The following PPP2R2C variants were observed in gnomAD, a reference collection of about 807,000 sequenced individuals.
PPP2R2C encodes the protein protein phosphatase 2 regulatory subunit Bgamma, also known as protein phosphatase 2, regulatory subunit B, gamma.
Under a neutral mutation model 45.3 loss-of-function variants are expected in PPP2R2C, and 10 were observed. That is an observed-to-expected ratio of 0.22 (90% confidence interval 0.14 to 0.37). The LOEUF (loss-of-function observed/expected upper bound fraction) is 0.37. Ranked by LOEUF, PPP2R2C falls within the 10% of genes least tolerant of loss-of-function variation. PPP2R2C has a pLI of 1.00. For missense variants in PPP2R2C, 308 were observed against 619.7 expected, an observed-to-expected ratio of 0.50 and a Z score of 5.34; for synonymous variants, 257 against 245.4, an observed-to-expected ratio of 1.05 and a Z score of -0.44.
At chr4:6,517,874 C>A (rs1228610005) in intron 2 of PPP2R2C, among the ~76,000 whole-genome samples, 4 of 150,050 alleles carry the variant, frequency 2.7e-5, no homozygotes, top group Non-Finnish European at 5.9e-5. Flanking sequence ...TGGTACTTTG[C>A]CCCCTGCTCT....
chr4:6,428,781 T>C (rs140934990), intron 1 of PPP2R2C, among the ~76,000 whole-genome samples: 1 of 152,326 alleles, frequency 6.6e-6, no homozygotes, highest in African/African-American at 2.4e-5. Context: ...AACTGGGCAG[T>C]ATTTGGCTGC....
Position 6,329,494 on chromosome 4 carries a change from G to T in PPP2R2C, c.961-141C>A. ...GACCTGCTCATCTCAGCGAGGGTCTGAATGCTCTGACACAGCCCGACACAG... is the reference window on the plus strand; with the variant it reads ...GACCTGCTCATCTCAGCGAGGGTCTTAATGCTCTGACACAGCCCGACACAG... On this transcript the variant is annotated intron_variant, in intron 7 of 8. Coordinates refer to ENST00000382599, the MANE Select transcript of PPP2R2C (RefSeq NM_020416.4). This position sits in a 1 kb window ranked among gnomAD's most constrained non-coding sequence, Gnocchi z 5.8. 1.4e-6 allele frequency: 1 copy of T among 722,858 alleles called. No homozygotes were observed. The highest frequency in any genetic ancestry group is 2.4e-6 in the Non-Finnish European group (1 of 413,572). The allele number at this position is 722,858 out of a possible 1,614,324, so 44.8% of individuals were successfully genotyped here. A position where few individuals can be genotyped will look rare whatever the true frequency, so the allele number is the denominator to read the frequency against.
intron 6 of PPP2R2C, among the ~76,000 whole-genome samples, chr4:6,341,076 T>C (rs1454674329): frequency 6.6e-6 from 1 of 152,196 alleles, no homozygotes; most frequent in Non-Finnish European, 1.5e-5. Context: ...GGGCGGTGGC[T>C]CACGCCTGTA....
rs1732219665 is a variant in PPP2R2C at position 6,329,398 on chromosome 4, A to G, written c.961-45T>C. The G allele has an allele frequency of 6.5e-7, 1 of 1,533,556 alleles. No individual in the cohort carries two copies. Among genetic ancestry groups the G allele is most frequent in the Non-Finnish European group, 9.0e-7 (1 of 1,107,666 alleles). The allele number at this position is 1,533,556 out of a possible 1,614,324, so 95.0% of individuals were successfully genotyped here. On this transcript the variant is annotated intron_variant, in intron 7 of 8. Coordinates refer to ENST00000382599, the MANE Select transcript of PPP2R2C (RefSeq NM_020416.4). The surrounding 1 kb of genome is among the most constrained non-coding windows in gnomAD (Gnocchi z 5.8). ...GGTGAGTGGACGGGGCGTCCCGACC[A>G]TCCTGGCCCTTCCACAAGAAGGGTC...
At chr4:6,504,198 T>C (rs767027678) in intron 2 of PPP2R2C, among the ~76,000 whole-genome samples, 1 of 152,192 alleles carries the variant, frequency 6.6e-6, no homozygotes, top group African/African-American at 2.4e-5. Context: ...ATGTATGAAG[T>C]CAACCCAGAT....
chr4:6,355,551 C>CA (rs566926127), intron 5 of PPP2R2C, among the ~76,000 whole-genome samples: 5,990 of 78,870 alleles, frequency 0.076, 327 homozygotes, highest in African/African-American at 0.19. Flanking sequence ...ACAGAAAGCA[C>CA]AAAAAAAAAA....
intron 1 of PPP2R2C, among the ~76,000 whole-genome samples, chr4:6,398,203 C>T (rs566517079): frequency 2.6e-5 from 4 of 152,230 alleles, no homozygotes; most frequent in African/African-American, 9.6e-5. Flanking sequence ...CTTGCAACTT[C>T]GATTTCTCAA....
At chr4:6,363,146 A>G (rs1713964204) in intron 5 of PPP2R2C, among the ~76,000 whole-genome samples, 1 of 152,176 alleles carries the variant, frequency 6.6e-6, no homozygotes, top group Non-Finnish European at 1.5e-5. Flanking sequence ...GGAAGCCCTC[A>G]GTCATGTTGG....
upstream of PPP2R2C, among the ~76,000 whole-genome samples, chr4:6,472,860 G>T (rs1721989583): frequency 6.6e-6 from 1 of 152,050 alleles, no homozygotes; most frequent in Non-Finnish European, 1.5e-5. Context: ...GTGCCCAGGT[G>T]CTCCAGTTAT....
In PPP2R2C at chr4:6,443,877, T is replaced by G. The variant is rs546198855; in HGVS notation, c.70+28283A>C. 4.6e-5 allele frequency among the ~76,000 whole-genome samples: 7 copies of G among 151,610 alleles called. No homozygotes were observed. The East Asian group carries it at 9.8e-4, about 21-fold the overall frequency. On this transcript the variant is annotated intron_variant, in intron 1 of 8. Coordinates refer to ENST00000382599, the MANE Select transcript of PPP2R2C (RefSeq NM_020416.4). ...GTCTCAGCCCACACAGCCTCTCAGG[T>G]GCAGCAACGAAGCAAGTGCTAGGCA...
At chr4:6,327,445 C>T (rs139113088) in intron 8 of PPP2R2C, among the ~76,000 whole-genome samples, 122 of 152,314 alleles carry the variant, frequency 8.0e-4, no homozygotes, top group Admixed American at 1.8e-3. Context: ...CATCACCTGG[C>T]CGCGGGTGCC....
intron 1 of PPP2R2C, among the ~76,000 whole-genome samples, chr4:6,452,758 C>T (rs922112462): frequency 1.6e-4 from 25 of 152,196 alleles, no homozygotes; most frequent in Non-Finnish European, 1.2e-4. Context: ...CAGGGTGAGA[C>T]CAGGGGACTC....
In PPP2R2C at chr4:6,487,912, CTTTT is replaced by C. The variant is rs1270314224; in HGVS notation, c.49+47355_49+47358del. Among the ~76,000 whole-genome samples the C allele has an allele frequency of 2.6e-5, 4 of 152,098 alleles. No individual in the cohort carries two copies. The South Asian group carries it at 6.2e-4, about 24-fold the overall frequency. Reference sequence around the variant, plus strand: ...TCTGTTTCTTTTTAAAATTTTTGTTCTTTTTTTATCTTTTTACTCTCTATATTTC... The same window carrying C: ...TCTGTTTCTTTTTAAAATTTTTGTTCTTTATCTTTTTACTCTCTATATTTC... On this transcript the variant is annotated intron_variant, in intron 2 of 9. Transcript: ENST00000506140.
intron 1 of PPP2R2C, among the ~76,000 whole-genome samples, chr4:6,537,751 T>C (rs1278690495): frequency 1.3e-5 from 2 of 152,012 alleles, no homozygotes; most frequent in African/African-American, 4.8e-5. Flanking sequence ...GGGGTTTCAC[T>C]ATGTTAGCCA....
At chr4:6,458,413 C>T (rs1221754485) in intron 1 of PPP2R2C, among the ~76,000 whole-genome samples, 3 of 152,290 alleles carry the variant, frequency 2.0e-5, no homozygotes, top group South Asian at 2.1e-4. Context: ...AGTGCCTTCT[C>T]GCTGCGTCCT....
chr4:6,365,092 GCAGA>G (rs1329756687), intron 5 of PPP2R2C, among the ~76,000 whole-genome samples: 11 of 152,158 alleles, frequency 7.2e-5, no homozygotes, highest in Non-Finnish European at 4.4e-5. Context: ...CTTTTGGGCA[GCAGA>G]CAACCCATAC....
chr4:6,546,993 C>G (rs1725008252), intron 1 of PPP2R2C, among the ~76,000 whole-genome samples: 1 of 152,208 alleles, frequency 6.6e-6, no homozygotes, highest in South Asian at 2.1e-4. Flanking sequence ...CAGACAGCCT[C>G]TAAATGCTCC....
At chr4:6,413,903 C>T (rs1718375190) in intron 1 of PPP2R2C, 2 of 1,536,020 alleles carry the variant, frequency 1.3e-6, no homozygotes, top group African/African-American at 1.4e-5. Flanking sequence ...CCCTGCTCAC[C>T]CGTGTCTCTC....
At chr4:6,474,821 G>A (rs903412281), upstream of PPP2R2C, among the ~76,000 whole-genome samples, 3 of 148,866 alleles carry the variant, frequency 2.0e-5, no homozygotes, top group Non-Finnish European at 4.5e-5. Flanking sequence ...CACAACCGAG[G>A]ACTCTCCCTC....
Sources: allele counts gnomAD v4.1 joint callset (sites outside exome capture counted in the v4.1 genomes callset), GRCh38; gene constraint gnomAD v4.1.1; non-coding constraint Gnocchi (gnomAD v3.1); transcripts MANE v1.5; gene names NCBI Gene and HGNC (gene_info 2026-07-23, HGNC 2026-07-21).